The following KIF24 variants were observed in gnomAD, a reference collection of about 807,000 sequenced individuals.
KIF24 encodes kinesin family member 24, also known as kinesin-like protein KIF24.
In KIF24, 81 loss-of-function variants were observed where a neutral mutation model predicts 118.9. The ratio of observed to expected loss-of-function variants is 0.68; its 90% confidence interval spans 0.57 to 0.82. KIF24 has a LOEUF of 0.82. KIF24 is among the 40% of genes least tolerant of loss of function. The probability of loss-of-function intolerance (pLI) is 0.00; values close to 1 mark genes in which losing one functional copy is unlikely to be tolerated. For synonymous variants in KIF24, 599 were observed against 610.0 expected (o/e 0.98, Z 0.27); for missense variants, 1,560 against 1,661.6 (o/e 0.94, Z 1.06).
At chr9:34,319,006 C>A in intron 1 of KIF24, 1 of 1,227,660 alleles carries the variant, frequency 8.1e-7, no homozygotes, top group Non-Finnish European at 1.2e-6. Context: ...CCCTGCTTGT[C>A]AACACCATGT....
intron 1 of KIF24, among the ~76,000 whole-genome samples, chr9:34,321,613 T>C (rs1343475204): frequency 1.3e-5 from 2 of 148,860 alleles, no homozygotes; most frequent in African/African-American, 4.9e-5. Context: ...CTTTTTTTTT[T>C]TTTTTTTTTT....
At chr9:34,292,882 T>G (rs1836308854) in intron 4 of KIF24, among the ~76,000 whole-genome samples, 1 of 152,164 alleles carries the variant, frequency 6.6e-6, no homozygotes, top group Non-Finnish European at 1.5e-5. Flanking sequence ...CTGAACAGTT[T>G]AGGGATGAGC....
At chr9:34,262,748 C>A (rs1222188660) in intron 9 of KIF24, among the ~76,000 whole-genome samples, 1 of 127,854 alleles carries the variant, frequency 7.8e-6, no homozygotes, top group South Asian at 2.7e-4. Context: ...GTAGTCCCAG[C>A]TACCTGGGAG....
At chr9:34,295,673 G>A (rs1836441853) in intron 4 of KIF24, among the ~76,000 whole-genome samples, 1 of 151,928 alleles carries the variant, frequency 6.6e-6, no homozygotes, top group Non-Finnish European at 1.5e-5. Context: ...GTGAGACCCT[G>A]TCTCAAAAAT....
chr9:34,314,957 A>G (rs932739155), intron 1 of KIF24, among the ~76,000 whole-genome samples: 5 of 152,232 alleles, frequency 3.3e-5, no homozygotes, highest in Admixed American at 6.5e-5. Context: ...TAATAAATCT[A>G]TATCTTTGCT....
At chr9:34,326,638 T>C (rs1177958112) in intron 1 of KIF24, among the ~76,000 whole-genome samples, 2 of 152,000 alleles carry the variant, frequency 1.3e-5, no homozygotes, top group African/African-American at 4.8e-5. Flanking sequence ...AAGGTGGAAA[T>C]GAGCATGGCA....
In KIF24 at chr9:34,257,251, G is replaced by C. The variant is rs1587908401; in HGVS notation, c.2356C>G (p.Leu786Val). ...CTGTACTGGCGTAAAGACCTTTTCAGTGGTTGGTATTTTAACTTCTGTTGG... is the reference window on the plus strand; with the variant it reads ...CTGTACTGGCGTAAAGACCTTTTCACTGGTTGGTATTTTAACTTCTGTTGG... Reference protein sequence around the residue: ...LLQQKLKYQPLKRSLRQYRPP... With the variant: ...LLQQKLKYQPVKRSLRQYRPP... The change falls in exon 11 of 13, where the codon CTG becomes GTG. Residue 786 changes from leucine (L) to valine (V), a missense_variant. This residue lies in a region of KIF24 where 964 missense variants were observed against 988.0 expected (regional missense o/e 0.98). Coordinates refer to ENST00000402558, the MANE Select transcript of KIF24 (RefSeq NM_194313.4). 6.2e-7 allele frequency: 1 copy of C among 1,614,060 alleles called. No homozygotes were observed. Among genetic ancestry groups the C allele is most frequent in the African/African-American group, 1.3e-5 (1 of 75,064 alleles).
chr9:34,282,142 T>A (rs1180097733), intron 6 of KIF24, among the ~76,000 whole-genome samples: 1 of 152,132 alleles, frequency 6.6e-6, no homozygotes, highest in East Asian at 1.9e-4. Context: ...CAAATGTCTA[T>A]CAACTGATGA....
In KIF24 at chr9:34,286,852, C is replaced by T. The variant is rs747129426; in HGVS notation, c.1128-148G>A. 28 of 619,258 alleles carry T rather than the reference C, an allele frequency of 4.5e-5. No homozygotes were observed. In the Middle Eastern group the frequency reaches 8.6e-4, roughly 19 times the overall value. The allele number at this position is 619,258 out of a possible 1,614,324, so 38.4% of individuals were successfully genotyped here. On this transcript the variant is annotated intron_variant, in intron 5 of 12. Transcript: ENST00000402558. ...TGCTTATCCTCCTCCCAACCCCACC[C>T]TCCTGACCTCAGCCCGATTCAGGGG...
intron 7 of KIF24, among the ~76,000 whole-genome samples, chr9:34,269,593 G>T (rs1165295920): frequency 2.0e-5 from 3 of 151,782 alleles, no homozygotes; most frequent in Non-Finnish European, 4.4e-5. Context: ...CTAATTTTTG[G>T]TATTTTTAGT....
At chr9:34,283,386 A>C (rs1835926437) in intron 6 of KIF24, among the ~76,000 whole-genome samples, 1 of 151,952 alleles carries the variant, frequency 6.6e-6, no homozygotes, top group Admixed American at 6.6e-5. Flanking sequence ...AATAAAAAAT[A>C]AAAAAAGAAT....
At position 34,305,706 on chromosome 9, in the gene KIF24, TG is replaced by T. The variant is rs551195535; in HGVS notation, c.813+545del. ...GTAATGCAGAACTCCTGGGCTCAAG[TG>T]ATCCTCCTGCCTCAGCCTCCTGAGT... On this transcript the variant is annotated intron_variant, in intron 3 of 12. Coordinates refer to ENST00000402558, the MANE Select transcript of KIF24 (RefSeq NM_194313.4). Among the ~76,000 whole-genome samples the T allele has an allele frequency of 4.5e-4, 68 of 152,314 alleles. No homozygotes were observed. The East Asian group carries it at 0.011, about 25-fold the overall frequency.
At chr9:34,306,175 C>A (rs1836906998) in intron 3 of KIF24, 77 bp downstream of exon 3, 1 of 915,448 alleles carries the variant, frequency 1.1e-6, no homozygotes, top group African/African-American at 1.7e-5. Flanking sequence ...ACTTGTATGC[C>A]ACCACTCAAA....
At chr9:34,265,630 G>A (rs1204073938) in intron 8 of KIF24, among the ~76,000 whole-genome samples, 1 of 152,062 alleles carries the variant, frequency 6.6e-6, no homozygotes, top group Non-Finnish European at 1.5e-5. Flanking sequence ...TATTATGACT[G>A]TACATCCTTA....
At position 34,256,550 on chromosome 9, in the gene KIF24, C is replaced by T. The variant is rs763372512; in HGVS notation, c.3057G>A (p.Val1019=). 3.1e-6 allele frequency: 5 copies of T among 1,614,032 alleles called. No homozygotes were observed. The South Asian group carries it at 5.5e-5, about 18-fold the overall frequency. The change falls in exon 11 of 13, where the codon GTG becomes GTA. Residue 1019 remains valine (V), a synonymous_variant. Transcript: ENST00000402558. ...CATGACCGTTTTTCACAGTGCTGGT[C>T]ACCTGGATTGGGCCGTCTGCACTGA... ...REVSADGPIQ[V]TSTVKNGHAV... is the part of the protein sequence containing the mutation.
At chr9:34,264,499 G>A (rs1368639621) in intron 8 of KIF24, among the ~76,000 whole-genome samples, 1 of 151,730 alleles carries the variant, frequency 6.6e-6, no homozygotes, top group Non-Finnish European at 1.5e-5. Flanking sequence ...AGAATAGGTA[G>A]TTTGCCTCCA....
intron 1 of KIF24, among the ~76,000 whole-genome samples, chr9:34,312,815 A>C (rs1038679292): frequency 6.6e-6 from 1 of 152,152 alleles, no homozygotes; most frequent in Non-Finnish European, 1.5e-5. Context: ...CTCCTGTCTC[A>C]GCCTCCTGAG....
At chr9:34,278,472 T>G (rs1290602375) in intron 6 of KIF24, among the ~76,000 whole-genome samples, 1 of 151,386 alleles carries the variant, frequency 6.6e-6, no homozygotes, top group Non-Finnish European at 1.5e-5. Context: ...TTCTAAAACT[T>G]AAACTATTTC....
intron 6 of KIF24, among the ~76,000 whole-genome samples, chr9:34,284,810 G>A (rs1217242095): frequency 3.3e-5 from 5 of 152,030 alleles, no homozygotes; most frequent in Non-Finnish European, 5.9e-5. Flanking sequence ...CTGATTACAA[G>A]GGTGCTTGTT....
Sources: gnomAD v4.1 joint callset for allele counts (sites outside exome capture counted in the v4.1 genomes callset) on GRCh38, gnomAD v4.1.1 for gene constraint, gnomAD v4.1.1 regional missense constraint, MANE v1.5 for transcripts, NCBI Gene and HGNC (gene_info 2026-07-23, HGNC 2026-07-21) for gene names.